The following INTS6L variants were observed in gnomAD, a reference collection of about 807,000 sequenced individuals.
INTS6L encodes the protein integrator complex subunit 6-like.
INTS6L carries 18 observed loss-of-function variants against 64.7 expected under a neutral mutation model. The observed-to-expected ratio is 0.28, with a 90% CI of 0.19 to 0.41. The LOEUF (loss-of-function observed/expected upper bound fraction) is 0.41. Among genes scored for constraint, INTS6L ranks in the 10% least tolerant of loss-of-function variants. The pLI is 1.00. For synonymous variants in INTS6L, 227 were observed against 235.9 expected (o/e 0.96, Z 0.34); for missense variants, 533 against 661.0 (o/e 0.81, Z 2.12).
At chrX:135,560,106 A>G (rs2086744782) in intron 9 of INTS6L, among the ~76,000 whole-genome samples, 1 of 112,424 alleles carries the variant, frequency 8.9e-6, no homozygotes, top group Non-Finnish European at 1.9e-5. Flanking sequence ...CATTGGTGTT[A>G]CGCAGTTTTC....
intron 15 of INTS6L, among the ~76,000 whole-genome samples, 186 bp from the exon 16 acceptor site, chrX:135,579,602 G>A (rs1219094017): frequency 2.7e-5 from 3 of 112,132 alleles, no homozygotes; most frequent in East Asian, 5.6e-4. Flanking sequence ...CATAGGGCCA[G>A]AAAATAAGAG....
At chrX:135,551,001 T>C (rs963900553) in intron 7 of INTS6L, among the ~76,000 whole-genome samples, 14 of 112,310 alleles carry the variant, frequency 1.2e-4, no homozygotes, top group South Asian at 3.7e-4. Context: ...AATAAGACAT[T>C]CCAAGTAATT....
Position 135,520,996 on chromosome X carries a change from C to T in INTS6L, c.4C>T (p.Pro2Ser), listed in dbSNP as rs781971938. ...GGAGGCAGGAGTGCGGGGGAAGATG[C>T]CCATCCTGCTGTTCCTCATAGACAC... The part of the protein sequence containing the change: M[P>S]ILLFLIDTSA... Residue 2 changes from proline (P) to serine (S), a missense_variant, in exon 1 of 18, where the codon CCC becomes TCC. By Grantham distance (74) the Pro-to-Ser change is moderately conservative. Transcript: ENST00000639893. The T allele has an allele frequency of 8.3e-7, 1 of 1,209,485 alleles. No homozygotes were observed. Among genetic ancestry groups the T allele is most frequent in the South Asian group, 1.8e-5 (1 of 56,810 alleles).
chrX:135,531,687 A>G (rs2085914191), intron 2 of INTS6L, among the ~76,000 whole-genome samples: 1 of 111,723 alleles, frequency 9.0e-6, no homozygotes, highest in Admixed American at 9.5e-5. Context: ...TAACTTTCGA[A>G]AAAAGTTGGT....
At position 135,569,432 on chromosome X, in the gene INTS6L, G is replaced by C. The variant is rs782295365; in HGVS notation, c.1287+1G>C. Reference sequence around the variant, plus strand: ...AACTCTGCCTCCATACTACCTATTAGTATGTATTTGTGTGTATATATGTAT... The same window carrying C: ...AACTCTGCCTCCATACTACCTATTACTATGTATTTGTGTGTATATATGTAT... On this transcript the variant is annotated splice_donor_variant, in intron 10 of 17. Coordinates refer to ENST00000639893, the MANE Select transcript of INTS6L (RefSeq NM_001351601.3). LOFTEE classifies it high-confidence loss of function. 9.0e-7 allele frequency: 1 copy of C among 1,116,401 alleles called. No individual in the cohort carries two copies. The highest frequency in any genetic ancestry group is 1.2e-6 in the Non-Finnish European group (1 of 828,993). 92.0% of individuals were successfully genotyped at this position (1,116,401 alleles called of 1,213,427 possible).
At position 135,577,354 on chromosome X, in the gene INTS6L, C is replaced by T. The variant is rs782259666; in HGVS notation, c.2046C>T (p.Gly682=). 2.5e-6 allele frequency: 3 copies of T among 1,211,636 alleles called. No individual in the cohort carries two copies. The highest frequency in any genetic ancestry group is 3.4e-6 in the Non-Finnish European group (3 of 895,512). The part of the protein sequence containing the change: ...QTPPTVTNHV[G]GKGPPSASWF... ...CACCTACTGTAACTAACCATGTGGGCGGAAAGGGACCACCCTCAGCCTCGT... is the reference window on the plus strand; with the variant it reads ...CACCTACTGTAACTAACCATGTGGGTGGAAAGGGACCACCCTCAGCCTCGT... Residue 682 remains glycine (G), a synonymous_variant, in exon 15 of 18, where the codon GGC becomes GGT. Coordinates refer to ENST00000639893, the MANE Select transcript of INTS6L (RefSeq NM_001351601.3).
At position 135,521,050 on chromosome X, in the gene INTS6L, C is replaced by G; in HGVS notation, c.58C>G (p.Leu20Val). The G allele has an allele frequency of 8.3e-7, 1 of 1,211,632 alleles. No individual in the cohort carries two copies. The highest frequency in any genetic ancestry group is 1.1e-6 in the Non-Finnish European group (1 of 895,458). The change falls in exon 1 of 18, where the codon CTG becomes GTG. Residue 20 changes from leucine (L) to valine (V), a missense_variant. By Grantham distance (32) the Leu-to-Val change is conservative. Coordinates refer to ENST00000639893, the MANE Select transcript of INTS6L (RefSeq NM_001351601.3). ...TSASMNQRTD[L>V]GTSYLDIAKG... ...CGCCTCTATGAACCAGCGCACTGACCTGGGCACCTCTTATTTGGACATTGC... is the reference window on the plus strand; with the variant it reads ...CGCCTCTATGAACCAGCGCACTGACGTGGGCACCTCTTATTTGGACATTGC...
chrX:135,579,910 C>A lies in INTS6L; in HGVS notation c.2242C>A (p.Pro748Thr). The change falls in exon 16 of 18, where the codon CCC becomes ACC. Residue 748 changes from proline (P) to threonine (T), a missense_variant. Coordinates refer to ENST00000639893, the MANE Select transcript of INTS6L (RefSeq NM_001351601.3). Reference protein sequence around the residue: ...LINMTGDLMPPNQVDSLSDDF... With the variant: ...LINMTGDLMPTNQVDSLSDDF... Reference sequence around the variant, plus strand: ...AAATATGACAGGAGATCTTATGCCACCCAACCAAGTGGATTCTCTGTCTGA... The same window carrying A: ...AAATATGACAGGAGATCTTATGCCAACCAACCAAGTGGATTCTCTGTCTGA... 1 of 1,211,687 alleles carries A rather than the reference C, an allele frequency of 8.3e-7. No homozygotes were observed. Among genetic ancestry groups the A allele is most frequent in the Non-Finnish European group, 1.1e-6 (1 of 895,492 alleles).
At chrX:135,577,962 C>T (rs1281393676) in intron 15 of INTS6L, among the ~76,000 whole-genome samples, 6 of 112,422 alleles carry the variant, frequency 5.3e-5, no homozygotes, top group Non-Finnish European at 1.1e-4. Context: ...ATTGCCATTC[C>T]TTCTCCACAG....
At chrX:135,521,368 C>T in intron 2 of INTS6L, 50 bp downstream of exon 2, 2 of 1,135,861 alleles carry the variant, frequency 1.8e-6, no homozygotes, top group Non-Finnish European at 2.4e-6. Context: ...AGCAAGTCGG[C>T]GGGGGCTGCT....
chrX:135,544,000 A>G (rs1191811694), intron 2 of INTS6L, among the ~76,000 whole-genome samples: 1 of 112,439 alleles, frequency 8.9e-6, no homozygotes, highest in Non-Finnish European at 1.9e-5. Flanking sequence ...ACAACAAACT[A>G]AGCACATCTT....
rs781957777 is a variant in INTS6L at position 135,552,258 on chromosome X, A to G, written c.1059+112A>G. The G allele has an allele frequency of 2.3e-4, 193 of 847,361 alleles. No individual in the cohort carries two copies. The African/African-American group carries it at 3.9e-3, about 17-fold the overall frequency. The allele number at this position is 847,361 out of a possible 1,213,427, so 69.8% of individuals were successfully genotyped here. On this transcript the variant is annotated intron_variant, in intron 8 of 17. Transcript: ENST00000639893. ...AATAATTGGACTGACTGTGCTAATG[A>G]TGTTTCTCATGAATGCTGTCAAATA...
chrX:135,570,681 T>A, intron 11 of INTS6L, 135 bp downstream of exon 11: 1 of 731,707 alleles, frequency 1.4e-6, no homozygotes, highest in Non-Finnish European at 1.9e-6. Context: ...AATAATGTGA[T>A]TCTCTATGGC....
chrX:135,554,883 CT>C (rs35845600), intron 8 of INTS6L, among the ~76,000 whole-genome samples: 6 of 50,470 alleles, frequency 1.2e-4, no homozygotes, highest in Middle Eastern at 0.048. Flanking sequence ...ACCAGCATAA[CT>C]TTTTTTTTTT....
At position 135,577,295 on chromosome X, in the gene INTS6L, A is replaced by G; in HGVS notation, c.1987A>G (p.Ser663Gly). The stretch of plus-strand genomic sequence containing the variant: ...TCCTATGTCATCTAAGAGAAGGCGG[A>G]GTATGTCCCTGCTGTTGAGGAAACC... ...NSPMSSKRRR[S>G]MSLLLRKPQT... The change falls in exon 15 of 18, where the codon AGT (serine) becomes GGT (glycine). Residue 663 changes from serine (S) to glycine (G), a missense_variant. Transcript: ENST00000639893. 8.3e-7 allele frequency: 1 copy of G among 1,211,721 alleles called. No individual in the cohort carries two copies. The highest frequency in any genetic ancestry group is 1.1e-6 in the Non-Finnish European group (1 of 895,524).
intron 2 of INTS6L, among the ~76,000 whole-genome samples, chrX:135,536,058 G>A (rs1556508569): frequency 8.9e-6 from 1 of 112,142 alleles, no homozygotes; most frequent in African/African-American, 3.2e-5. Flanking sequence ...GCTCCTCAGG[G>A]GAATGTCCAG....
At chrX:135,563,012 A>C (rs2086829231) in intron 9 of INTS6L, among the ~76,000 whole-genome samples, 1 of 111,580 alleles carries the variant, frequency 9.0e-6, no homozygotes. Flanking sequence ...ATGCCATCTT[A>C]TAGTATTGTT....
At chrX:135,572,683 A>G in intron 11 of INTS6L, 132 bp from the exon 12 acceptor site, 7 of 531,406 alleles carry the variant, frequency 1.3e-5, no homozygotes, top group Non-Finnish European at 1.8e-5. Flanking sequence ...AAAATGTTTA[A>G]TTATCCATTT....
intron 12 of INTS6L, 142 bp downstream of exon 12, chrX:135,573,175 C>A: frequency 2.0e-6 from 1 of 507,638 alleles, no homozygotes; most frequent in Non-Finnish European, 3.3e-6. Flanking sequence ...GAATTGTCAG[C>A]AGATATCAAT....
Sources: gnomAD v4.1 joint callset for allele counts (sites outside exome capture counted in the v4.1 genomes callset) on GRCh38, gnomAD v4.1.1 for gene constraint, MANE v1.5 for transcripts, NCBI Gene and HGNC (gene_info 2026-07-23, HGNC 2026-07-21) for gene names.